The following ANKRD6 variants were observed in gnomAD, a reference collection of about 807,000 sequenced individuals.
The protein encoded by ANKRD6 is ankyrin repeat domain 6.
In ANKRD6, 56 loss-of-function variants were observed where a neutral mutation model predicts 82.3. The observed-to-expected ratio is 0.68, with a 90% CI of 0.55 to 0.85. ANKRD6 has a LOEUF of 0.85. ANKRD6 is among the 40% of genes least tolerant of loss of function. The pLI, the probability that ANKRD6 is intolerant of heterozygous loss-of-function variation, is 0.00. For synonymous variants in ANKRD6, 347 were observed against 352.1 expected, an observed-to-expected ratio of 0.99 and a Z score of 0.16; for missense variants, 852 against 907.6, an observed-to-expected ratio of 0.94 and a Z score of 0.79.
chr6:89,549,819 A>G (rs1436560781), intron 1 of ANKRD6, among the ~76,000 whole-genome samples: 1 of 152,144 alleles, frequency 6.6e-6, no homozygotes, highest in Non-Finnish European at 1.5e-5. Context: ...TGTGAGAAAT[A>G]TGCATAGAAA....
intron 2 of ANKRD6, among the ~76,000 whole-genome samples, chr6:89,576,965 A>G (rs1029906038): frequency 1.3e-5 from 2 of 151,510 alleles, no homozygotes; most frequent in African/African-American, 2.4e-5. Flanking sequence ...GAGTCTCACT[A>G]TATTGCCTAG....
chr6:89,518,402 CA>C (rs1217212093), intron 1 of ANKRD6, among the ~76,000 whole-genome samples: 2,623 of 109,108 alleles, frequency 0.024, 66 homozygotes, highest in African/African-American at 0.067. Flanking sequence ...GACTCCGTCT[CA>C]AAAAAAAAAA....
chr6:89,584,113 A>T (rs1038348161), intron 2 of ANKRD6, among the ~76,000 whole-genome samples: 1 of 152,266 alleles, frequency 6.6e-6, no homozygotes. Context: ...ACGAGACATT[A>T]TAATATTGTG....
intron 1 of ANKRD6, among the ~76,000 whole-genome samples, chr6:89,553,158 A>G (rs1339693759): frequency 6.6e-6 from 1 of 152,196 alleles, no homozygotes; most frequent in Non-Finnish European, 1.5e-5. Context: ...GGAATAATCT[A>G]GCATCAGATG....
At position 89,483,906 on chromosome 6, in the gene ANKRD6, G is replaced by GTC. The variant is rs147189689; in HGVS notation, c.-144+50547_-144+50548dup. 2.1e-4 allele frequency among the ~76,000 whole-genome samples: 31 copies of GTC among 150,450 alleles called. 1 individual carries two copies. The highest frequency in any genetic ancestry group is 6.6e-4 in the Admixed American group (10 of 15,136). ...TTCTGTAGTCCTCCTCTCTCTCTCT[G>GTC]TCTCTCTCTCTCTCTCTAACCTATT... On this transcript the variant is annotated intron_variant, in intron 1 of 15. Transcript: ENST00000339746.
At chr6:89,564,254 G>A (rs1268121371) in intron 1 of ANKRD6, among the ~76,000 whole-genome samples, 1 of 152,122 alleles carries the variant, frequency 6.6e-6, no homozygotes, top group Admixed American at 6.5e-5. Flanking sequence ...TGCTCTGTGG[G>A]TGCTTTGGTC....
At chr6:89,523,007 A>G (rs532577957) in intron 1 of ANKRD6, among the ~76,000 whole-genome samples, 4 of 152,274 alleles carry the variant, frequency 2.6e-5, no homozygotes, top group African/African-American at 9.6e-5. Context: ...TGATGCAGAG[A>G]TGATATTCTG....
chr6:89,541,736 T>G (rs1784472661), intron 1 of ANKRD6, among the ~76,000 whole-genome samples: 1 of 151,842 alleles, frequency 6.6e-6, no homozygotes. Context: ...ATACTGTTGA[T>G]TTTTGTATCC....
At chr6:89,578,280 C>T (rs957319908) in intron 2 of ANKRD6, among the ~76,000 whole-genome samples, 7 of 144,560 alleles carry the variant, frequency 4.8e-5, no homozygotes, top group South Asian at 2.2e-4. Flanking sequence ...TTCCCCCTCC[C>T]GCCTCCTTTT....
At chr6:89,611,345 G>C (rs1179488643) in intron 5 of ANKRD6, among the ~76,000 whole-genome samples, 6 of 152,218 alleles carry the variant, frequency 3.9e-5, no homozygotes. Flanking sequence ...CCCAGCACTT[G>C]AGCTCAGCAG....
At chr6:89,601,616 A>AGGAT (rs1310451813) in intron 3 of ANKRD6, 8 of 152,340 alleles carry the variant, frequency 5.3e-5, no homozygotes, top group African/African-American at 1.9e-4. Context: ...AGTTTTAACT[A>AGGAT]GGATTTTTTA....
chr6:89,586,644 G>A (rs1444947113), intron 2 of ANKRD6, among the ~76,000 whole-genome samples: 2 of 152,002 alleles, frequency 1.3e-5, no homozygotes, highest in East Asian at 3.9e-4. Flanking sequence ...CTGAGATCAT[G>A]CTACTGCACT....
At chr6:89,476,907 A>G (rs1273093395) in intron 1 of ANKRD6, among the ~76,000 whole-genome samples, 1 of 152,220 alleles carries the variant, frequency 6.6e-6, no homozygotes, top group Non-Finnish European at 1.5e-5. Flanking sequence ...CTCTTTTCAA[A>G]TATCATTTTT....
At position 89,608,368 on chromosome 6, in the gene ANKRD6, C is replaced by CACACACACACACACACACACACACTATA; in HGVS notation, c.417+2263_417+2264insACACACACACACACACACACACACTATA. ...ACCCTCCCTAATACACACACACACACTATATATATATATATATGTACAATT... is the reference window on the plus strand; with the variant it reads ...ACCCTCCCTAATACACACACACACACACACACACACACACACACACACACTATATATATATATATATATATGTACAATT... On this transcript the variant is annotated intron_variant, in intron 5 of 15. Transcript: ENST00000339746. 1.5e-3 allele frequency among the ~76,000 whole-genome samples: 193 copies of CACACACACACACACACACACACACTATA among 130,784 alleles called. 3 individuals carry two copies. Among genetic ancestry groups the CACACACACACACACACACACACACTATA allele is most frequent in the African/African-American group, 5.5e-3 (180 of 32,790 alleles). The allele number at this position is 130,784 out of a possible 152,430, so 85.8% of individuals were successfully genotyped here. A position where few individuals can be genotyped will look rare whatever the true frequency, so the allele number is the denominator to read the frequency against.
intron 1 of ANKRD6, among the ~76,000 whole-genome samples, chr6:89,536,522 C>T (rs141821883): frequency 7.3e-4 from 111 of 152,350 alleles, no homozygotes; most frequent in Non-Finnish European, 1.4e-3. Context: ...TGAAATGCAG[C>T]GTGACTGTCC....
chr6:89,598,113 G>T (rs754507562), intron 3 of ANKRD6: 22 of 985,258 alleles, frequency 2.2e-5, no homozygotes, highest in Non-Finnish European at 2.4e-5. Context: ...TTATGGCATG[G>T]TAAGAACTGA....
intron 1 of ANKRD6, among the ~76,000 whole-genome samples, chr6:89,464,054 C>T (rs963415638): frequency 1.3e-5 from 2 of 152,154 alleles, no homozygotes; most frequent in Admixed American, 6.5e-5. Context: ...CACAGCCCTT[C>T]AGTAATAGAG....
At chr6:89,518,301 C>G (rs1291439809) in intron 1 of ANKRD6, among the ~76,000 whole-genome samples, 3 of 151,812 alleles carry the variant, frequency 2.0e-5, no homozygotes, top group African/African-American at 7.3e-5. Context: ...GCTGCGGAGG[C>G]TGAGGCAGGA....
At chr6:89,512,034 C>T (rs891549127) in intron 1 of ANKRD6, among the ~76,000 whole-genome samples, 1 of 152,100 alleles carries the variant, frequency 6.6e-6, no homozygotes, top group Non-Finnish European at 1.5e-5. Context: ...CCACCCCGGC[C>T]TCTCAAAGTG....
Sources: gnomAD v4.1 joint callset for allele counts (sites outside exome capture counted in the v4.1 genomes callset) on GRCh38, gnomAD v4.1.1 for gene constraint, MANE v1.5 for transcripts, NCBI Gene and HGNC (gene_info 2026-07-23, HGNC 2026-07-21) for gene names.